Variants in TET2 observed in about 807,000 individuals in gnomAD.
TET2 encodes the protein tet methylcytosine dioxygenase 2.
In TET2, 299 loss-of-function variants were observed where a neutral mutation model predicts 142.9. The observed-to-expected ratio is 2.09, with a 90% CI of 1.90 to 2.30. The LOEUF is 2.30. Among genes scored for constraint, TET2 ranks in the 30% most tolerant of loss-of-function variants. The probability of loss-of-function intolerance (pLI) is 0.00; values close to 1 mark genes in which losing one functional copy is unlikely to be tolerated. For missense variants in TET2, 2,418 were observed against 2,378.0 expected (o/e 1.02, Z -0.35); for synonymous variants, 819 against 849.0 (o/e 0.96, Z 0.61).
At chr4:105,194,449 C>T (rs965081757) in intron 2 of TET2, among the ~76,000 whole-genome samples, 3 of 152,030 alleles carry the variant, frequency 2.0e-5, no homozygotes, top group African/African-American at 7.2e-5. Flanking sequence ...AGAAAAATAG[C>T]TTTTCTTATT....
At chr4:105,202,143 C>G (rs998607910) in intron 2 of TET2, among the ~76,000 whole-genome samples, 5 of 152,052 alleles carry the variant, frequency 3.3e-5, no homozygotes, top group Admixed American at 6.6e-5. Flanking sequence ...CATCTTCTTC[C>G]TAATCCTTGA....
chr4:105,184,813 G>A (rs940778663), intron 1 of TET2, among the ~76,000 whole-genome samples: 4 of 152,074 alleles, frequency 2.6e-5, no homozygotes, highest in Non-Finnish European at 4.4e-5. Flanking sequence ...GGTGAGTAAC[G>A]TGCTGATTAG....
At chr4:105,238,603 G>A in intron 3 of TET2, 1 of 243,978 alleles carries the variant, frequency 4.1e-6, no homozygotes. Context: ...GTTTTTTCAT[G>A]ACATTGCAGT....
At chr4:105,159,286 C>G (rs1400731493) in intron 1 of TET2, among the ~76,000 whole-genome samples, 1 of 136,836 alleles carries the variant, frequency 7.3e-6, no homozygotes, top group African/African-American at 2.8e-5. Context: ...GAGTTTCGCT[C>G]TTGCTGCCAA....
chr4:105,238,667 T>A, intron 3 of TET2: 1 of 243,456 alleles, frequency 4.1e-6, no homozygotes, highest in Non-Finnish European at 8.7e-6. Flanking sequence ...TTGCTACATC[T>A]CCCTCATCTG....
Position 105,190,347 on chromosome 4 carries a change from C to CT in TET2, c.-192-12dup, listed in dbSNP as rs1725713305. 1 of 643,160 alleles carries CT rather than the reference C, an allele frequency of 1.6e-6. No individual in the cohort carries two copies. The highest frequency in any genetic ancestry group is 2.8e-6 in the Non-Finnish European group (1 of 359,692). 39.8% of individuals were successfully genotyped at this position (643,160 alleles called of 1,614,324 possible). On this transcript the variant is annotated splice_polypyrimidine_tract_variant and intron_variant, in intron 1 of 10. Transcript: ENST00000380013. Reference sequence around the variant, plus strand: ...TTGCTAACTTAAAAATGTTCAAACTCTGTCTTCTCTAGGCTGGCAAACATT... The same window carrying CT: ...TTGCTAACTTAAAAATGTTCAAACTCTTGTCTTCTCTAGGCTGGCAAACATT...
intron 2 of TET2, among the ~76,000 whole-genome samples, chr4:105,220,288 A>G (rs80014899): frequency 0.041 from 6,255 of 152,068 alleles, 436 homozygotes; most frequent in African/African-American, 0.14. Flanking sequence ...TTTTTCTACA[A>G]TTGCCCCTCA....
intron 1 of TET2, among the ~76,000 whole-genome samples, chr4:105,148,888 C>T (rs1245438462): frequency 2.0e-5 from 3 of 152,084 alleles, no homozygotes; most frequent in African/African-American, 7.2e-5. Context: ...AACTATTTGT[C>T]CTCGATAGTT....
intron 8 of TET2, among the ~76,000 whole-genome samples, chr4:105,262,365 A>AT (rs148173628): frequency 0.12 from 18,077 of 150,594 alleles, 1,231 homozygotes; most frequent in Non-Finnish European, 0.16. Context: ...AAGCAAAAAC[A>AT]TTTTTTTTTT....
chr4:105,235,829 C>CA lies in TET2; in HGVS notation c.1889dup (p.Ser631ValfsTer7), dbSNP rs1290546954. ...CCCAGAAAACAACACAGCTGGAGCA[C>CA]AAGTCACAAATGTACCAAGTTGAAA... is the stretch of plus-strand genomic sequence containing the variant. On this transcript the variant is annotated frameshift_variant, in exon 3 of 11. Transcript: ENST00000380013. LOFTEE classifies it high-confidence loss of function. The CA allele has an allele frequency of 6.2e-7, 1 of 1,613,912 alleles. No individual in the cohort carries two copies.
chr4:105,151,663 C>A (rs554273846), intron 1 of TET2, among the ~76,000 whole-genome samples: 2 of 151,784 alleles, frequency 1.3e-5, no homozygotes, highest in East Asian at 3.9e-4. Flanking sequence ...AGTGAGATAC[C>A]TGTCTCTATT....
At chr4:105,269,575 C>A (rs59519484) in intron 8 of TET2, 35 bp from the exon 9 acceptor site, 19,975 of 1,547,938 alleles carry the variant, frequency 0.013, 218 homozygotes, top group African/African-American at 0.049. Flanking sequence ...GTAAAACTAA[C>A]TACTTTCGCA....
intron 2 of TET2, among the ~76,000 whole-genome samples, chr4:105,195,014 T>C (rs1726000584): frequency 6.6e-6 from 1 of 152,060 alleles, no homozygotes; most frequent in South Asian, 2.1e-4. Context: ...GGCATTTATC[T>C]GACAACCTTG....
chr4:105,163,615 T>G (rs1723966229), intron 1 of TET2, among the ~76,000 whole-genome samples: 1 of 152,172 alleles, frequency 6.6e-6, no homozygotes, highest in Non-Finnish European at 1.5e-5. Context: ...TTGGTGCTAT[T>G]ACTCTCCTCA....
chr4:105,181,664 A>G (rs1320562193), intron 1 of TET2, among the ~76,000 whole-genome samples: 1 of 152,242 alleles, frequency 6.6e-6, no homozygotes, highest in Non-Finnish European at 1.5e-5. Context: ...TTTCTTGAGC[A>G]TTATGATATG....
rs534906399 is a variant in TET2 at position 105,158,301 on chromosome 4, G to A, written c.-193+11322G>A. Among the ~76,000 whole-genome samples, 94 of 151,970 alleles carry A rather than the reference G, an allele frequency of 6.2e-4. 1 individual carries two copies. The South Asian group carries it at 0.019, about 30-fold the overall frequency. ...CATGCCTTAATCCTCGGGGTTTTTG[G>A]GAAACTATATTTAGGGGTTAAAAAC... On this transcript the variant is annotated intron_variant, in intron 1 of 10. Coordinates refer to ENST00000380013, the MANE Select transcript of TET2 (RefSeq NM_001127208.3).
At chr4:105,232,007 GT>G (rs548086604) in intron 2 of TET2, among the ~76,000 whole-genome samples, 42 of 152,278 alleles carry the variant, frequency 2.8e-4, no homozygotes, top group Admixed American at 2.7e-3. Context: ...TTAATAGGTA[GT>G]TTTTTGATCC....
chr4:105,167,507 GA>G (rs964338071), intron 1 of TET2, among the ~76,000 whole-genome samples: 1 of 151,976 alleles, frequency 6.6e-6, no homozygotes, highest in African/African-American at 2.4e-5. Flanking sequence ...TATGTACAAA[GA>G]AAAAATATGT....
At chr4:105,204,292 A>G (rs1726685744) in intron 2 of TET2, among the ~76,000 whole-genome samples, 1 of 151,392 alleles carries the variant, frequency 6.6e-6, no homozygotes, top group Admixed American at 6.6e-5. Context: ...TTAGAAAACT[A>G]ATTACATTGT....
Sources: allele counts gnomAD v4.1 joint callset (sites outside exome capture counted in the v4.1 genomes callset), GRCh38; gene constraint gnomAD v4.1.1; transcripts MANE v1.5; gene names NCBI Gene and HGNC (gene_info 2026-07-23, HGNC 2026-07-21).